Variants in HS3ST5 observed in about 807,000 individuals in gnomAD.
HS3ST5 encodes heparan sulfate glucosamine 3-O-sulfotransferase 5.
Under a neutral mutation model 25.4 loss-of-function variants are expected in HS3ST5, and 10 were observed. That is an observed-to-expected ratio of 0.39 (90% confidence interval 0.24 to 0.67). The LOEUF (loss-of-function observed/expected upper bound fraction) is 0.67, where lower values mean the gene tolerates loss of function less well. Ranked by LOEUF, HS3ST5 falls within the 30% of genes least tolerant of loss-of-function variation. The probability of loss-of-function intolerance (pLI) is 0.44; values close to 1 mark genes in which losing one functional copy is unlikely to be tolerated. For synonymous variants in HS3ST5, 170 were observed against 162.4 expected (o/e 1.05, Z -0.36); for missense variants, 324 against 420.7 (o/e 0.77, Z 2.01).
intron 2 of HS3ST5, chr6:114,179,006 T>C (rs1254788473): frequency 3.9e-5 from 6 of 152,222 alleles, no homozygotes; most frequent in African/African-American, 1.4e-4. Flanking sequence ...ACATTTTCTT[T>C]GTCTCTTTTT....
At chr6:114,250,304 G>A (rs1772592796) in intron 1 of HS3ST5, among the ~76,000 whole-genome samples, 1 of 152,164 alleles carries the variant, frequency 6.6e-6, no homozygotes, top group Non-Finnish European at 1.5e-5. Flanking sequence ...ATCAGAGGCT[G>A]GGCACGATGG....
intron 3 of HS3ST5, among the ~76,000 whole-genome samples, chr6:114,134,675 A>T (rs891535750): frequency 3.3e-5 from 5 of 152,174 alleles, no homozygotes; most frequent in African/African-American, 1.2e-4. Context: ...AAAGCTCCTC[A>T]GGTGATTCTA....
chr6:114,122,613 A>T (rs1279187141), intron 3 of HS3ST5, among the ~76,000 whole-genome samples: 1 of 152,212 alleles, frequency 6.6e-6, no homozygotes, highest in South Asian at 2.1e-4. Flanking sequence ...TTAATTCAAG[A>T]TTGGAAGAGA....
intron 1 of HS3ST5, among the ~76,000 whole-genome samples, chr6:114,287,407 G>A (rs1412243576): frequency 6.6e-6 from 1 of 151,864 alleles, no homozygotes; most frequent in South Asian, 2.1e-4. Context: ...TTTAAAACTG[G>A]GCTCTTTGAA....
chr6:114,147,356 A>C (rs536731057), intron 3 of HS3ST5, among the ~76,000 whole-genome samples: 1 of 152,268 alleles, frequency 6.6e-6, no homozygotes, highest in African/African-American at 2.4e-5. Context: ...AGCTGAAGTG[A>C]TGTGTGCAAC....
chr6:114,113,492 T>TTCTGC (rs1235778813), intron 3 of HS3ST5, among the ~76,000 whole-genome samples: 2 of 151,856 alleles, frequency 1.3e-5, no homozygotes, highest in Non-Finnish European at 1.5e-5. Flanking sequence ...TTGCTATTCC[T>TTCTGC]TCTGCTTGGA....
At chr6:114,152,211 C>T (rs1455550132) in intron 3 of HS3ST5, among the ~76,000 whole-genome samples, 3 of 151,980 alleles carry the variant, frequency 2.0e-5, no homozygotes, top group African/African-American at 4.8e-5. Context: ...CATGAGCCAC[C>T]GTGCCAGGCC....
chr6:114,236,680 C>T (rs958284479), intron 1 of HS3ST5, among the ~76,000 whole-genome samples: 2 of 152,172 alleles, frequency 1.3e-5, no homozygotes, highest in Non-Finnish European at 1.5e-5. Context: ...TAGTCTTTAT[C>T]TACTATCGTT....
At chr6:114,274,551 T>C (rs1046265265) in intron 1 of HS3ST5, among the ~76,000 whole-genome samples, 1 of 151,848 alleles carries the variant, frequency 6.6e-6, no homozygotes, top group Non-Finnish European at 1.5e-5. Context: ...AAAGTAAAGA[T>C]AAAAGAGTAA....
intron 2 of HS3ST5, among the ~76,000 whole-genome samples, chr6:114,198,622 A>T (rs1391861515): frequency 6.6e-6 from 1 of 152,230 alleles, no homozygotes; most frequent in African/African-American, 2.4e-5. Context: ...GGTTGTATGA[A>T]GAAATTCTGA....
At chr6:114,219,463 C>T (rs1432317661) in intron 2 of HS3ST5, among the ~76,000 whole-genome samples, 1 of 152,068 alleles carries the variant, frequency 6.6e-6, no homozygotes, top group East Asian at 1.9e-4. Flanking sequence ...CCTTCTAAAT[C>T]ACATACATAT....
intron 1 of HS3ST5, chr6:114,231,451 C>G (rs1197240103): frequency 6.6e-6 from 1 of 152,238 alleles, no homozygotes; most frequent in Admixed American, 6.5e-5. Flanking sequence ...AGTTAAGCCT[C>G]TCTTCTTTAT....
chr6:114,134,399 C>T (rs543390993), intron 3 of HS3ST5, among the ~76,000 whole-genome samples: 35 of 152,152 alleles, frequency 2.3e-4, no homozygotes, highest in Non-Finnish European at 3.8e-4. Flanking sequence ...CATCTATTTT[C>T]CTCTCCTCTA....
chr6:114,169,407 A>G (rs1197616662), intron 2 of HS3ST5, among the ~76,000 whole-genome samples: 1 of 152,184 alleles, frequency 6.6e-6, no homozygotes, highest in Non-Finnish European at 1.5e-5. Flanking sequence ...TGATTAACAT[A>G]CTTTCATAAA....
intron 3 of HS3ST5, among the ~76,000 whole-genome samples, chr6:114,155,111 A>G (rs1291747118): frequency 6.6e-6 from 1 of 152,204 alleles, no homozygotes; most frequent in African/African-American, 2.4e-5. Flanking sequence ...GAACAAATTT[A>G]TGCTAATTAT....
chr6:114,102,175 T>C (rs958314789), intron 3 of HS3ST5, among the ~76,000 whole-genome samples: 3 of 152,184 alleles, frequency 2.0e-5, no homozygotes, highest in African/African-American at 7.2e-5. Flanking sequence ...ATTACAAACC[T>C]GTACATGTAC....
intron 3 of HS3ST5, among the ~76,000 whole-genome samples, chr6:114,089,995 G>A (rs534188033): frequency 2.8e-4 from 42 of 152,294 alleles, no homozygotes; most frequent in South Asian, 4.1e-4. Flanking sequence ...AAGCTCTGGC[G>A]TTGGGGAGGT....
intron 3 of HS3ST5, among the ~76,000 whole-genome samples, chr6:114,069,927 T>C (rs893923296): frequency 1.3e-5 from 2 of 152,162 alleles, no homozygotes; most frequent in African/African-American, 4.8e-5. Flanking sequence ...TACACTTACA[T>C]GGGAGAGTTT....
At chr6:114,204,047 G>A (rs1171946917) in intron 2 of HS3ST5, among the ~76,000 whole-genome samples, 1 of 152,202 alleles carries the variant, frequency 6.6e-6, no homozygotes, top group African/African-American at 2.4e-5. Context: ...AATAGGTTAT[G>A]GCCATGGAGA....
Sources: allele counts gnomAD v4.1 joint callset (sites outside exome capture counted in the v4.1 genomes callset), GRCh38; gene constraint gnomAD v4.1.1; transcripts MANE v1.5; gene names NCBI Gene and HGNC (gene_info 2026-07-23, HGNC 2026-07-21).